Variants in MKLN1 observed in about 807,000 individuals in gnomAD.
The protein encoded by MKLN1 is muskelin 1.
Under a neutral mutation model 99.0 loss-of-function variants are expected in MKLN1, and 18 were observed. The ratio of observed to expected loss-of-function variants is 0.18; its 90% CI spans 0.13 to 0.27. MKLN1 has a LOEUF of 0.27. Among genes scored for constraint, MKLN1 ranks in the 10% least tolerant of loss-of-function variants. MKLN1 has a pLI of 1.00. For missense variants in MKLN1, 621 were observed against 875.9 expected, an observed-to-expected ratio of 0.71 and a Z score of 3.67; for synonymous variants, 288 against 293.2, an observed-to-expected ratio of 0.98 and a Z score of 0.18.
intron 3 of MKLN1, among the ~76,000 whole-genome samples, chr7:131,270,460 A>G (rs554360490): frequency 6.6e-6 from 1 of 152,234 alleles, no homozygotes; most frequent in Non-Finnish European, 1.5e-5. Context: ...ACCTCAGGTC[A>G]TCCACCCGGC....
At chr7:131,379,536 C>G (rs1291022535) in intron 2 of MKLN1, among the ~76,000 whole-genome samples, 1 of 151,750 alleles carries the variant, frequency 6.6e-6, no homozygotes, top group Non-Finnish European at 1.5e-5. Flanking sequence ...CCACTAAGCA[C>G]AGATAGAAAA....
chr7:131,396,295 A>G (rs1018807332), intron 4 of MKLN1, among the ~76,000 whole-genome samples: 5 of 152,010 alleles, frequency 3.3e-5, no homozygotes, highest in Non-Finnish European at 5.9e-5. Context: ...CTGGTTTTGA[A>G]TTCCTGGCCT....
chr7:131,474,991 A>G (rs2116659879), intron 16 of MKLN1, among the ~76,000 whole-genome samples: 1 of 152,274 alleles, frequency 6.6e-6, no homozygotes, highest in East Asian at 1.9e-4. Context: ...TGTTTAAACC[A>G]TCAGATCTCA....
At chr7:131,263,688 C>T (rs1157907620) in intron 3 of MKLN1, among the ~76,000 whole-genome samples, 1 of 151,942 alleles carries the variant, frequency 6.6e-6, no homozygotes, top group Admixed American at 6.6e-5. Context: ...TCTCCTACCT[C>T]AGCCCCAAGT....
chr7:131,193,264 T>A (rs1412223964), intron 2 of MKLN1, among the ~76,000 whole-genome samples: 3 of 152,222 alleles, frequency 2.0e-5, no homozygotes. Context: ...TTCCTTACTA[T>A]ATGTCTTGTT....
intron 9 of MKLN1, among the ~76,000 whole-genome samples, chr7:131,437,555 T>G (rs993447214): frequency 6.6e-6 from 1 of 152,170 alleles, no homozygotes. Flanking sequence ...CCTGGTAGAT[T>G]TTAAGCATTT....
intron 3 of MKLN1, among the ~76,000 whole-genome samples, chr7:131,203,666 G>C (rs915775914): frequency 2.0e-5 from 3 of 152,198 alleles, no homozygotes; most frequent in Non-Finnish European, 4.4e-5. Flanking sequence ...TTTAGAAAGA[G>C]ATATTTATTT....
At chr7:131,404,234 G>T (rs1057168588) in intron 6 of MKLN1, among the ~76,000 whole-genome samples, 1 of 152,156 alleles carries the variant, frequency 6.6e-6, no homozygotes, top group African/African-American at 2.4e-5. Flanking sequence ...ATAGAATGGG[G>T]CAGGAATCTA....
chr7:131,212,190 T>A (rs1290922107), intron 3 of MKLN1, among the ~76,000 whole-genome samples: 2 of 152,210 alleles, frequency 1.3e-5, no homozygotes, highest in African/African-American at 2.4e-5. Context: ...AAATGTTTCC[T>A]CTTCTCTCAA....
chr7:131,367,833 T>C (rs1021306814), intron 1 of MKLN1, among the ~76,000 whole-genome samples: 1 of 152,178 alleles, frequency 6.6e-6, no homozygotes, highest in East Asian at 1.9e-4. Context: ...AAAAATCACA[T>C]GTACAAAGCA....
intron 3 of MKLN1, among the ~76,000 whole-genome samples, chr7:131,316,253 A>C (rs956569970): frequency 6.6e-6 from 1 of 152,212 alleles, no homozygotes; most frequent in Non-Finnish European, 1.5e-5. Flanking sequence ...TTACAGAGGA[A>C]GGAGCAGGCA....
intron 17 of MKLN1, chr7:131,478,929 C>T (rs538605428): frequency 9.5e-6 from 5 of 526,802 alleles, no homozygotes; most frequent in Non-Finnish European, 1.7e-5. Flanking sequence ...AATAGAAACA[C>T]AGTCAAAATA....
intron 2 of MKLN1, among the ~76,000 whole-genome samples, chr7:131,161,300 C>G (rs1796044495): frequency 6.6e-6 from 1 of 152,168 alleles, no homozygotes; most frequent in African/African-American, 2.4e-5. Context: ...CAGCCTTTTT[C>G]CTAGACTTGC....
At chr7:131,402,544 T>G (rs1349055917) in intron 6 of MKLN1, among the ~76,000 whole-genome samples, 1 of 152,218 alleles carries the variant, frequency 6.6e-6, no homozygotes, top group Non-Finnish European at 1.5e-5. Flanking sequence ...GGTTTTCAAT[T>G]TACTTTGCCC....
At chr7:131,328,119 C>A in intron 1 of MKLN1, 122 bp downstream of exon 1, 3 of 1,220,850 alleles carry the variant, frequency 2.5e-6, no homozygotes, top group Non-Finnish European at 2.3e-6. Flanking sequence ...GGGGGACGTG[C>A]GGCCTCCGGA....
At chr7:131,206,599 G>A (rs1462890907) in intron 3 of MKLN1, among the ~76,000 whole-genome samples, 3 of 148,338 alleles carry the variant, frequency 2.0e-5, no homozygotes, top group Non-Finnish European at 4.5e-5. Flanking sequence ...TCTGTTGCCC[G>A]GCCTGGAGTG....
At chr7:131,375,928 T>C (rs986107559) in intron 2 of MKLN1, among the ~76,000 whole-genome samples, 2 of 150,360 alleles carry the variant, frequency 1.3e-5, no homozygotes, top group African/African-American at 2.4e-5. Context: ...TGTCTGGGGT[T>C]GACTGAATTT....
At chr7:131,394,433 C>T (rs1195357514) in intron 4 of MKLN1, among the ~76,000 whole-genome samples, 1 of 152,012 alleles carries the variant, frequency 6.6e-6, no homozygotes, top group Non-Finnish European at 1.5e-5. Flanking sequence ...ATTAGATTCT[C>T]ATAAGGAGTG....
At chr7:131,118,484 C>T (rs543915579) in intron 1 of MKLN1, among the ~76,000 whole-genome samples, 9 of 151,114 alleles carry the variant, frequency 6.0e-5, no homozygotes, top group South Asian at 2.1e-4. Flanking sequence ...ACCTGGGAGG[C>T]GGAGGTTGCA....
Sources: allele counts gnomAD v4.1 joint callset (sites outside exome capture counted in the v4.1 genomes callset), GRCh38; gene constraint gnomAD v4.1.1; transcripts MANE v1.5; gene names NCBI Gene and HGNC (gene_info 2026-07-23, HGNC 2026-07-21).